The following DEPDC5 variants were observed in gnomAD, a reference collection of about 807,000 sequenced individuals.
The protein encoded by DEPDC5 is GATOR1 complex protein DEPDC5.
In DEPDC5, 73 loss-of-function variants were observed where a neutral mutation model predicts 217.3. The observed-to-expected ratio is 0.34, with a 90% CI of 0.28 to 0.41. The LOEUF (loss-of-function observed/expected upper bound fraction) is 0.41. Among genes scored for constraint, DEPDC5 ranks in the 10% least tolerant of loss-of-function variants. DEPDC5 has a pLI of 1.00. For synonymous variants in DEPDC5, 733 were observed against 756.7 expected, an observed-to-expected ratio of 0.97 and a Z score of 0.51; for missense variants, 1,675 against 2,070.1, an observed-to-expected ratio of 0.81 and a Z score of 3.70.
chr22:31,809,473 T>G, intron 18 of DEPDC5, 138 bp from the exon 19 acceptor site: 1 of 814,274 alleles, frequency 1.2e-6, no homozygotes, highest in Admixed American at 2.1e-5. Flanking sequence ...CCGTGGTAGG[T>G]AGGTGTCAGA....
At chr22:31,898,147 C>T (rs2093586581) in intron 40 of DEPDC5, among the ~76,000 whole-genome samples, 1 of 152,082 alleles carries the variant, frequency 6.6e-6, no homozygotes, top group Admixed American at 6.6e-5. Context: ...TGGAATGGTG[C>T]GTGTGACTCG....
At chr22:31,841,503 A>T (rs1193256172) in intron 27 of DEPDC5, among the ~76,000 whole-genome samples, 2 of 152,236 alleles carry the variant, frequency 1.3e-5, no homozygotes, top group African/African-American at 4.8e-5. Flanking sequence ...ACAGTGTGGG[A>T]GTGAGCTGGA....
In DEPDC5 at chr22:31,784,817, A is replaced by G. The variant is rs2084816540; in HGVS notation, c.566A>G (p.Asp189Gly). 6.2e-7 allele frequency: 1 copy of G among 1,612,766 alleles called. No individual in the cohort carries two copies. Among genetic ancestry groups the G allele is most frequent in the East Asian group, 2.2e-5 (1 of 44,770 alleles). Residue 189 changes from aspartate to glycine, a missense_variant, in exon 10 of 43, where the codon GAT (aspartate) becomes GGT (glycine). Physicochemically the swap from Asp to Gly is moderately conservative, Grantham distance 94. Around this residue, in one of 11 missense-constraint regions of DEPDC5, gnomAD observed 628 missense variants for 762.1 expected, o/e 0.82. Transcript: ENST00000651528. ...CEMWDFDIYG[D>G]LYFEKAVNGF... ...TTTTTTCATTGTTTCTTTTCAGGGG[A>G]TTTGTATTTTGAGAAAGCTGTGAAT... is the stretch of plus-strand genomic sequence containing the variant.
chr22:31,806,291 T>C, intron 18 of DEPDC5, 100 bp downstream of exon 18: 1 of 1,046,234 alleles, frequency 9.6e-7, no homozygotes, highest in Non-Finnish European at 1.4e-6. Flanking sequence ...CCTCCCAAAG[T>C]GTTGGGATTA....
intron 33 of DEPDC5, among the ~76,000 whole-genome samples, chr22:31,869,614 T>C (rs1602581474): frequency 6.8e-6 from 1 of 146,490 alleles, no homozygotes; most frequent in Non-Finnish European, 1.5e-5. Flanking sequence ...CCACTAGTTG[T>C]GGAGAAGAGC....
At chr22:31,887,837 C>T (rs2093351159) in intron 38 of DEPDC5, among the ~76,000 whole-genome samples, 2 of 152,082 alleles carry the variant, frequency 1.3e-5, no homozygotes, top group Non-Finnish European at 2.9e-5. Flanking sequence ...TAGTCTTTTA[C>T]TGTGTCATTT....
intron 24 of DEPDC5, among the ~76,000 whole-genome samples, chr22:31,826,314 G>A (rs536946421): frequency 3.3e-5 from 5 of 152,050 alleles, no homozygotes; most frequent in Non-Finnish European, 5.9e-5. Context: ...GCTGGAGATT[G>A]ACTATTAAAT....
At chr22:31,761,460 T>C (rs1458777503) in intron 4 of DEPDC5, among the ~76,000 whole-genome samples, 1 of 152,054 alleles carries the variant, frequency 6.6e-6, no homozygotes, top group East Asian at 1.9e-4. Context: ...GCAGTGGACA[T>C]GATTCCATTT....
At chr22:31,885,464 G>A (rs2093283327) in intron 38 of DEPDC5, among the ~76,000 whole-genome samples, 1 of 152,148 alleles carries the variant, frequency 6.6e-6, no homozygotes, top group Non-Finnish European at 1.5e-5. Flanking sequence ...GGTGGCTCAC[G>A]CCTGTAATCC....
intron 8 of DEPDC5, among the ~76,000 whole-genome samples, chr22:31,780,773 T>G (rs1183851870): frequency 6.6e-6 from 1 of 152,244 alleles, no homozygotes; most frequent in Non-Finnish European, 1.5e-5. Flanking sequence ...CGCTTGCTTG[T>G]GTGCCATGTC....
At chr22:31,900,739 C>CAAA (rs1277786088) in intron 40 of DEPDC5, among the ~76,000 whole-genome samples, 3 of 148,678 alleles carry the variant, frequency 2.0e-5, no homozygotes, top group Non-Finnish European at 3.0e-5. Flanking sequence ...AACTTCCTCT[C>CAAA]AAAAAGAAAA....
intron 10 of DEPDC5, among the ~76,000 whole-genome samples, chr22:31,786,551 A>G (rs139996105): frequency 0.034 from 5,118 of 151,118 alleles, 140 homozygotes; most frequent in African/African-American, 0.071. Context: ...GCAGTGGTGC[A>G]ATCTCAGCTC....
intron 32 of DEPDC5, chr22:31,858,760 AT>A (rs1313940732): frequency 3.3e-5 from 5 of 152,176 alleles, no homozygotes; most frequent in Non-Finnish European, 7.4e-5. Flanking sequence ...TGATTTTTAA[AT>A]GATTTTTGGT....
chr22:31,868,521 G>A (rs541664651), intron 33 of DEPDC5, among the ~76,000 whole-genome samples: 3 of 152,226 alleles, frequency 2.0e-5, no homozygotes, highest in African/African-American at 7.2e-5. Context: ...TCCGCTTCCC[G>A]GGTGAAGCAG....
intron 20 of DEPDC5, among the ~76,000 whole-genome samples, chr22:31,813,402 C>G (rs1346319276): frequency 6.6e-6 from 1 of 152,184 alleles, no homozygotes; most frequent in African/African-American, 2.4e-5. Context: ...TACCTTCACA[C>G]ATGGCTAAGC....
intron 14 of DEPDC5, among the ~76,000 whole-genome samples, chr22:31,799,793 C>T (rs1375678177): frequency 1.7e-4 from 25 of 146,158 alleles, no homozygotes; most frequent in Non-Finnish European, 1.3e-4. Flanking sequence ...AGCCACCATG[C>T]CCGGCCTTTT....
intron 24 of DEPDC5, among the ~76,000 whole-genome samples, chr22:31,832,403 C>T (rs968978604): frequency 6.6e-6 from 1 of 152,108 alleles, no homozygotes; most frequent in Non-Finnish European, 1.5e-5. Flanking sequence ...TGTTCCATAT[C>T]CTTGTCAACA....
At chr22:31,803,264 G>A (rs1458877615) in intron 15 of DEPDC5, among the ~76,000 whole-genome samples, 4 of 151,764 alleles carry the variant, frequency 2.6e-5, no homozygotes, top group South Asian at 4.2e-4. Flanking sequence ...AGGCTGGAGT[G>A]CAGTGGTGTG....
At chr22:31,776,136 T>C (rs2083827682) in intron 7 of DEPDC5, among the ~76,000 whole-genome samples, 1 of 145,776 alleles carries the variant, frequency 6.9e-6, no homozygotes, top group African/African-American at 2.5e-5. Context: ...TTTTTTGCAA[T>C]AGTCTCACTC....
Sources: gnomAD v4.1 joint callset for allele counts (sites outside exome capture counted in the v4.1 genomes callset) on GRCh38, gnomAD v4.1.1 for gene constraint, gnomAD v4.1.1 regional missense constraint, MANE v1.5 for transcripts, NCBI Gene and HGNC (gene_info 2026-07-23, HGNC 2026-07-21) for gene names.